STK31: variants seen among roughly 807,000 people sequenced by gnomAD.
STK31 encodes serine/threonine kinase 31.
STK31 carries 89 observed loss-of-function variants against 129.7 expected under a neutral mutation model. The ratio of observed to expected loss-of-function variants is 0.69; its 90% CI spans 0.58 to 0.82. STK31 has a LOEUF of 0.82. STK31 is among the 40% of genes least tolerant of loss of function. The pLI, the probability that STK31 is intolerant of heterozygous loss-of-function variation, is 0.00. For missense variants in STK31, 1,187 were observed against 1,176.4 expected (o/e 1.01, Z -0.13); for synonymous variants, 448 against 395.3 (o/e 1.13, Z -1.58).
At chr7:23,725,046 T>C (rs1786968793) in intron 4 of STK31, among the ~76,000 whole-genome samples, 3 of 152,206 alleles carry the variant, frequency 2.0e-5, no homozygotes. Context: ...ACCTGTTTTC[T>C]CCCTAATGGC....
intron 11 of STK31, among the ~76,000 whole-genome samples, chr7:23,764,958 A>AAAAAT (rs10655826): frequency 0.75 from 113,228 of 151,146 alleles, 42,574 homozygotes; most frequent in East Asian, 0.83. Flanking sequence ...TTAGATTTTA[A>AAAAAT]AAAATAAAAA....
intron 22 of STK31, among the ~76,000 whole-genome samples, chr7:23,799,932 A>G (rs1002997484): frequency 2.0e-5 from 3 of 152,208 alleles, no homozygotes; most frequent in African/African-American, 4.8e-5. Flanking sequence ...AAGGATATAA[A>G]CCGACACTTC....
At chr7:23,769,489 A>G (rs141805713) in intron 12 of STK31, 151 bp from the exon 13 acceptor site, 7 of 555,954 alleles carry the variant, frequency 1.3e-5, no homozygotes, top group African/African-American at 1.1e-4. Flanking sequence ...CAGTGCATAA[A>G]TTTTATGAGG....
At chr7:23,730,148 A>G (rs947152156) in intron 6 of STK31, among the ~76,000 whole-genome samples, 2 of 152,228 alleles carry the variant, frequency 1.3e-5, no homozygotes, top group Non-Finnish European at 2.9e-5. Flanking sequence ...CTGTTATACA[A>G]AGATGATTCT....
intron 6 of STK31, among the ~76,000 whole-genome samples, chr7:23,735,111 C>T (rs1787641588): frequency 6.6e-6 from 1 of 151,976 alleles, no homozygotes. Context: ...ACTTTAAAAC[C>T]AGAGTTCCTG....
At chr7:23,777,392 C>T (rs1017049197) in intron 15 of STK31, among the ~76,000 whole-genome samples, 2 of 152,104 alleles carry the variant, frequency 1.3e-5, no homozygotes, top group African/African-American at 4.8e-5. Flanking sequence ...AATTTTCCAT[C>T]TCATTGATCT....
At chr7:23,776,842 G>A (rs13309754) in intron 15 of STK31, among the ~76,000 whole-genome samples, 5 of 152,022 alleles carry the variant, frequency 3.3e-5, no homozygotes, top group Middle Eastern at 3.2e-3. Context: ...CCTGATCTTA[G>A]TTATTTCTTG....
intron 6 of STK31, among the ~76,000 whole-genome samples, chr7:23,731,671 A>T (rs1787440262): frequency 6.6e-6 from 1 of 152,208 alleles, no homozygotes; most frequent in African/African-American, 2.4e-5. Context: ...GCTATGCTGC[A>T]GCACAGTCAG....
At chr7:23,740,929 A>G (rs1030681219) in intron 8 of STK31, among the ~76,000 whole-genome samples, 4 of 152,172 alleles carry the variant, frequency 2.6e-5, no homozygotes, top group Admixed American at 2.0e-4. Context: ...TAAATACTTT[A>G]TTCATTCCCT....
At chr7:23,771,410 A>G (rs1278696761) in intron 14 of STK31, 1 of 199,286 alleles carries the variant, frequency 5.0e-6, no homozygotes, top group Non-Finnish European at 1.0e-5. Context: ...AAGAAATAAA[A>G]CATTGCTTAT....
At position 23,739,567 on chromosome 7, in the gene STK31, G is replaced by A. The variant is rs191716786; in HGVS notation, c.1017+2489G>A. Among the ~76,000 whole-genome samples, 488 of 152,298 alleles carry A rather than the reference G, an allele frequency of 3.2e-3. 3 individuals are homozygous for A. Among genetic ancestry groups the A allele is most frequent in the Middle Eastern group, 0.01 (3 of 294 alleles). The stretch of plus-strand genomic sequence containing the variant: ...CTTGCCCATGCCTATGTCCTGAATG[G>A]TATTGCCTAGGTGTTCTTCTAGGGT... On this transcript the variant is annotated intron_variant, in intron 8 of 23. Coordinates refer to ENST00000355870, the MANE Select transcript of STK31 (RefSeq NM_031414.5).
intron 8 of STK31, among the ~76,000 whole-genome samples, chr7:23,751,402 T>C (rs1203961952): frequency 6.6e-6 from 1 of 152,228 alleles, no homozygotes; most frequent in Non-Finnish European, 1.5e-5. Context: ...ATTTCTAATT[T>C]AATTTTATTG....
chr7:23,720,216 C>T lies in STK31; in HGVS notation c.249+2637C>T, dbSNP rs190190057. On this transcript the variant is annotated intron_variant, in intron 4 of 23. Transcript: ENST00000355870. ...AAGTGAAATGAACATGGCATGGGTC[C>T]CAAAGATTACGATATGTTTCAGAAC... is the stretch of plus-strand genomic sequence containing the variant. Among the ~76,000 whole-genome samples, 415 of 152,172 alleles carry T rather than the reference C, an allele frequency of 2.7e-3. 1 individual carries two copies. The highest frequency in any genetic ancestry group is 3.7e-3 in the Non-Finnish European group (252 of 67,976).
intron 10 of STK31, among the ~76,000 whole-genome samples, chr7:23,757,202 C>T (rs1789142494): frequency 6.6e-6 from 1 of 152,102 alleles, no homozygotes; most frequent in Non-Finnish European, 1.5e-5. Context: ...GATTCAGCTT[C>T]TTCCAGAAGG....
At chr7:23,714,250 A>G (rs1786161928) in intron 3 of STK31, among the ~76,000 whole-genome samples, 1 of 152,228 alleles carries the variant, frequency 6.6e-6, no homozygotes. Context: ...GTTTCTGCTT[A>G]TGCATATTCT....
intron 11 of STK31, among the ~76,000 whole-genome samples, chr7:23,765,282 G>A (rs534448966): frequency 5.3e-5 from 8 of 152,190 alleles, no homozygotes; most frequent in African/African-American, 1.9e-4. Context: ...TCGAACTCCT[G>A]AGCTCAGGCA....
chr7:23,775,450 C>T (rs767001970), intron 15 of STK31, among the ~76,000 whole-genome samples: 8 of 152,172 alleles, frequency 5.3e-5, no homozygotes, highest in Admixed American at 2.0e-4. Flanking sequence ...GTTCATTCTT[C>T]CTATCCATGA....
Position 23,745,191 on chromosome 7 carries a change from G to A in STK31, c.1018-7526G>A, listed in dbSNP as rs569664501. Among the ~76,000 whole-genome samples the A allele has an allele frequency of 1.1e-4, 17 of 152,274 alleles. No individual in the cohort carries two copies. In the East Asian group the frequency reaches 3.3e-3, roughly 29 times the overall value. On this transcript the variant is annotated intron_variant, in intron 8 of 23. Transcript: ENST00000355870. The stretch of plus-strand genomic sequence containing the variant: ...GCCTGACCTTGGGCCCTTGGGAGGA[G>A]TGTTGAGGTACCAATGGTGGACTGG...
At chr7:23,713,243 A>G (rs924590021) in intron 3 of STK31, among the ~76,000 whole-genome samples, 10 of 152,216 alleles carry the variant, frequency 6.6e-5, no homozygotes, top group South Asian at 2.1e-4. Flanking sequence ...GTAACACAAT[A>G]TTAAGTCTTT....
Sources: gnomAD v4.1 joint callset for allele counts (sites outside exome capture counted in the v4.1 genomes callset) on GRCh38, gnomAD v4.1.1 for gene constraint, MANE v1.5 for transcripts, NCBI Gene and HGNC (gene_info 2026-07-23, HGNC 2026-07-21) for gene names.